Variants in FARS2 observed in about 807,000 individuals in gnomAD.
The protein encoded by FARS2 is phenylalanyl-tRNA synthetase 2, mitochondrial.
In FARS2, 40 loss-of-function variants were observed where a neutral mutation model predicts 46.4. The ratio of observed to expected loss-of-function variants is 0.86; its 90% CI spans 0.67 to 1.12. The LOEUF is 1.12. Among genes scored for constraint, FARS2 ranks in the 50% most tolerant of loss-of-function variants. FARS2 has a pLI of 0.00. For missense variants in FARS2, 513 were observed against 567.9 expected, an observed-to-expected ratio of 0.90 and a Z score of 0.98; for synonymous variants, 234 against 214.9, an observed-to-expected ratio of 1.09 and a Z score of -0.78.
In FARS2 at chr6:5,404,626, A is replaced by G. The variant is rs1761449865; in HGVS notation, c.697A>G (p.Met233Val). Residue 233 changes from methionine to valine, a missense_variant, in exon 3 of 7, where the codon ATG becomes GTG. Coordinates refer to ENST00000274680, the MANE Select transcript of FARS2 (RefSeq NM_006567.5). ...TGCGCATAAACAAGAGACACACACCATGGAGGCCGTGAAGCTTGTAGAGTT... is the reference window on the plus strand; with the variant it reads ...TGCGCATAAACAAGAGACACACACCGTGGAGGCCGTGAAGCTTGTAGAGTT... ...RSAHKQETHT[M>V]EAVKLVEFDL... 3.7e-6 allele frequency: 6 copies of G among 1,613,494 alleles called. No individual in the cohort carries two copies. Among genetic ancestry groups the G allele is most frequent in the African/African-American group, 1.3e-5 (1 of 75,048 alleles).
chr6:5,763,768 GTTT>G (rs77014974), intron 6 of FARS2, among the ~76,000 whole-genome samples: 1 of 65,400 alleles, frequency 1.5e-5, no homozygotes, highest in Non-Finnish European at 4.2e-5. Context: ...TTCCCTTTTG[GTTT>G]TTTTTTTTTT....
intron 4 of FARS2, among the ~76,000 whole-genome samples, chr6:5,445,982 G>A (rs977926409): frequency 5.9e-5 from 9 of 152,072 alleles, no homozygotes; most frequent in African/African-American, 9.7e-5. Flanking sequence ...GGCAGATCAC[G>A]AGGTCAGGAG....
intron 3 of FARS2, among the ~76,000 whole-genome samples, chr6:5,412,417 C>T (rs1761988253): frequency 6.6e-6 from 1 of 152,222 alleles, no homozygotes; most frequent in Non-Finnish European, 1.5e-5. Context: ...AGTTTGCTGC[C>T]ACTGTCTTCA....
intron 1 of FARS2, among the ~76,000 whole-genome samples, chr6:5,271,670 CT>C (rs1163016330): frequency 7.0e-6 from 1 of 143,064 alleles, no homozygotes; most frequent in Non-Finnish European, 1.5e-5. Flanking sequence ...TCAAGCGATT[CT>C]TCTACCTCAG....
intron 4 of FARS2, among the ~76,000 whole-genome samples, chr6:5,454,697 C>T (rs80064046): frequency 1.1e-4 from 17 of 152,238 alleles, no homozygotes; most frequent in East Asian, 1.9e-4. Flanking sequence ...CGATAATCTC[C>T]GTATAATCTT....
At chr6:5,550,661 T>C (rs193226052) in intron 5 of FARS2, among the ~76,000 whole-genome samples, 14 of 152,366 alleles carry the variant, frequency 9.2e-5, no homozygotes, top group African/African-American at 2.6e-4. Flanking sequence ...AATAGCCTTC[T>C]TTCTTTCCTT....
intron 1 of FARS2, among the ~76,000 whole-genome samples, chr6:5,301,693 G>A (rs1032541706): frequency 4.6e-5 from 7 of 152,122 alleles, no homozygotes; most frequent in African/African-American, 9.6e-5. Flanking sequence ...GGTGGGTTGC[G>A]GAGTGGCAAC....
chr6:5,308,118 C>A (rs147016524), intron 1 of FARS2, among the ~76,000 whole-genome samples: 2,079 of 141,104 alleles, frequency 0.015, 45 homozygotes, highest in African/African-American at 0.06. Context: ...CTACAAAATT[C>A]TTCTTCCTCT....
chr6:5,313,560 AG>A (rs1369179019), intron 1 of FARS2, among the ~76,000 whole-genome samples: 2 of 152,114 alleles, frequency 1.3e-5, no homozygotes, highest in Admixed American at 6.5e-5. Flanking sequence ...AGTTTTTATT[AG>A]GGAATTTTTT....
chr6:5,626,619 A>G (rs961321566), intron 6 of FARS2, among the ~76,000 whole-genome samples: 3 of 152,188 alleles, frequency 2.0e-5, no homozygotes, highest in African/African-American at 7.2e-5. Flanking sequence ...CCTCCAGGTA[A>G]ACCCATGCAA....
chr6:5,642,705 G>A (rs10484313), intron 6 of FARS2, among the ~76,000 whole-genome samples: 4,759 of 152,244 alleles, frequency 0.031, 257 homozygotes, highest in East Asian at 0.24. Flanking sequence ...TCCAGTATTC[G>A]ATAAGAGAAT....
intron 6 of FARS2, among the ~76,000 whole-genome samples, chr6:5,739,013 C>T (rs1761135396): frequency 6.6e-6 from 1 of 152,200 alleles, no homozygotes; most frequent in Non-Finnish European, 1.5e-5. Context: ...GTCCTTATCA[C>T]ACCTGCTCTC....
rs540046568 is a variant in FARS2 at position 5,310,383 on chromosome 6, C to G, written c.-22+48723C>G. On this transcript the variant is annotated intron_variant, in intron 1 of 6. Coordinates refer to ENST00000274680, the MANE Select transcript of FARS2 (RefSeq NM_006567.5). ...TCATAAACTAATAATTGTTAGATTT[C>G]CTTATATAAAATTTAGGTTTAAGGA... is the stretch of plus-strand genomic sequence containing the variant. Among the ~76,000 whole-genome samples, 5 of 151,298 alleles carry G rather than the reference C, an allele frequency of 3.3e-5. No homozygotes were observed. The East Asian group carries it at 9.7e-4, about 29-fold the overall frequency.
chr6:5,754,877 T>C (rs1302552440), intron 6 of FARS2, among the ~76,000 whole-genome samples: 1 of 152,198 alleles, frequency 6.6e-6, no homozygotes, highest in African/African-American at 2.4e-5. Flanking sequence ...ACTAATACAG[T>C]TTTTTAAAAA....
intron 2 of FARS2, among the ~76,000 whole-genome samples, chr6:5,396,522 C>G (rs1760912652): frequency 6.6e-6 from 1 of 152,154 alleles, no homozygotes; most frequent in African/African-American, 2.4e-5. Flanking sequence ...ATTCTGAAAG[C>G]AGTTTATGAA....
intron 3 of FARS2, among the ~76,000 whole-genome samples, chr6:5,422,880 A>G (rs191573786): frequency 3.5e-4 from 54 of 152,354 alleles, no homozygotes; most frequent in Non-Finnish European, 7.1e-4. Flanking sequence ...CTGAGTGTTA[A>G]TGAGCTGCTA....
chr6:5,259,898 C>T (rs1310096556), upstream of FARS2, among the ~76,000 whole-genome samples: 1 of 152,100 alleles, frequency 6.6e-6, no homozygotes, highest in Non-Finnish European at 1.5e-5. Flanking sequence ...AAAGCAGAGG[C>T]TCTGAATTAG....
intron 1 of FARS2, among the ~76,000 whole-genome samples, chr6:5,263,405 T>G (rs902658497): frequency 3.9e-5 from 6 of 152,214 alleles, no homozygotes; most frequent in African/African-American, 1.2e-4. Context: ...AATACCTTAT[T>G]ATTTTATTTA....
At chr6:5,540,516 G>A (rs1410880188) in intron 4 of FARS2, among the ~76,000 whole-genome samples, 1 of 152,156 alleles carries the variant, frequency 6.6e-6, no homozygotes, top group Admixed American at 6.5e-5. Context: ...TTTTCTCTGA[G>A]ACATCATTCA....
Sources: allele counts gnomAD v4.1 joint callset (sites outside exome capture counted in the v4.1 genomes callset), GRCh38; gene constraint gnomAD v4.1.1; transcripts MANE v1.5; gene names NCBI Gene and HGNC (gene_info 2026-07-23, HGNC 2026-07-21).